Variants in SLIT2 observed in about 807,000 individuals in gnomAD.
SLIT2 encodes slit homolog 2 protein.
Under a neutral mutation model 185.7 loss-of-function variants are expected in SLIT2, and 41 were observed. The ratio of observed to expected loss-of-function variants is 0.22; its 90% confidence interval spans 0.17 to 0.29. SLIT2 has a LOEUF of 0.29. Ranked by LOEUF, SLIT2 falls within the 10% of genes least tolerant of loss-of-function variation. SLIT2 has a pLI of 1.00. For synonymous variants in SLIT2, 693 were observed against 680.2 expected (o/e 1.02, Z -0.29); for missense variants, 1,571 against 1,909.0 (o/e 0.82, Z 3.30).
chr4:20,437,773 G>A (rs1220684691), intron 4 of SLIT2, among the ~76,000 whole-genome samples: 11 of 151,856 alleles, frequency 7.2e-5, no homozygotes, highest in African/African-American at 2.7e-4. Flanking sequence ...AAATTAGCTG[G>A]GCATGGTGGC....
At chr4:20,442,392 C>T (rs1053062286) in intron 4 of SLIT2, among the ~76,000 whole-genome samples, 99 of 152,078 alleles carry the variant, frequency 6.5e-4, no homozygotes, top group African/African-American at 2.1e-3. Context: ...GGTGTGGTGG[C>T]GGGCGCCTGT....
chr4:20,345,600 A>T (rs2109246801), intron 4 of SLIT2, among the ~76,000 whole-genome samples: 1 of 127,514 alleles, frequency 7.8e-6, no homozygotes, highest in East Asian at 2.2e-4. Flanking sequence ...CAGTGGCGTG[A>T]TCTTGGCTCA....
intron 28 of SLIT2, 132 bp downstream of exon 28, chr4:20,567,747 GGTCCCT>G: frequency 1.5e-6 from 1 of 685,344 alleles, no homozygotes; most frequent in Non-Finnish European, 2.6e-6. Context: ...AATATGTATT[GGTCCCT>G]CTCGTAGATA....
chr4:20,580,012 ATATAT>A (rs1372902676), intron 29 of SLIT2, among the ~76,000 whole-genome samples: 3 of 143,696 alleles, frequency 2.1e-5, no homozygotes, highest in Non-Finnish European at 3.0e-5. Context: ...ATCATATATA[ATATAT>A]TATTATATAT....
intron 4 of SLIT2, among the ~76,000 whole-genome samples, chr4:20,345,445 T>C (rs1293085595): frequency 3.9e-5 from 6 of 152,102 alleles, no homozygotes; most frequent in Non-Finnish European, 7.4e-5. Flanking sequence ...TATTCACTAA[T>C]GGTACTTTAA....
At chr4:20,274,899 C>G (rs77012620) in intron 4 of SLIT2, among the ~76,000 whole-genome samples, 864 of 152,154 alleles carry the variant, frequency 5.7e-3, no homozygotes, top group Non-Finnish European at 8.0e-3. Context: ...ATATGTGGCT[C>G]TATATAATAT....
intron 29 of SLIT2, among the ~76,000 whole-genome samples, chr4:20,570,757 A>ACG (rs1725538410): frequency 8.2e-6 from 1 of 122,584 alleles, no homozygotes; most frequent in African/African-American, 3.1e-5. Flanking sequence ...ATATATATAT[A>ACG]TATATTTCCT....
rs1560454969 is a variant in SLIT2 at position 20,472,540 on chromosome 4, C to CTATATAGATATATCGA, written c.467+4722_467+4723insAGATATATCGATATAT. Among the ~76,000 whole-genome samples the CTATATAGATATATCGA allele has an allele frequency of 1.3e-3, 12 of 9,494 alleles. 2 individuals are homozygous for CTATATAGATATATCGA. Among genetic ancestry groups the CTATATAGATATATCGA allele is most frequent in the African/African-American group, 2.0e-3 (3 of 1,492 alleles). 6.2% of individuals were successfully genotyped at this position (9,494 alleles called of 152,430 possible). ...GATATATATCTATATATAGATATAT[C>CTATATAGATATATCGA]TATATCTATATATAGATATATATCT... On this transcript the variant is annotated intron_variant, in intron 5 of 36. Coordinates refer to ENST00000504154, the MANE Select transcript of SLIT2 (RefSeq NM_004787.4).
At chr4:20,617,697 G>A in intron 36 of SLIT2, 47 bp downstream of exon 36, 1 of 1,342,212 alleles carries the variant, frequency 7.5e-7, no homozygotes, top group Non-Finnish European at 1.0e-6. Context: ...AAAGCAAGAG[G>A]GGTCCCATGT....
At chr4:20,432,632 G>A (rs1415221832) in intron 4 of SLIT2, among the ~76,000 whole-genome samples, 1 of 151,602 alleles carries the variant, frequency 6.6e-6, no homozygotes, top group Non-Finnish European at 1.5e-5. Context: ...CCTGTTCCAA[G>A]TGCATAAATG....
rs1355011753 is a variant in SLIT2 at position 20,617,476 on chromosome 4, T to G, written c.4174T>G (p.Ser1392Ala). ...HGTCLPINAF[S>A]YSCKCLEGHG... ...CACCTGCTTGCCCATCAATGCGTTCTCCTACAGCTGTAAGTGCTTGGAGGG... is the reference window on the plus strand; with the variant it reads ...CACCTGCTTGCCCATCAATGCGTTCGCCTACAGCTGTAAGTGCTTGGAGGG... Residue 1392 changes from serine (S) to alanine (A), a missense_variant, in exon 36 of 37, where the codon TCC becomes GCC. This residue lies in a region of SLIT2 where 223 missense variants were observed against 245.2 expected (regional missense o/e 0.91). Transcript: ENST00000504154. 6.2e-7 allele frequency: 1 copy of G among 1,614,132 alleles called. No homozygotes were observed. Among genetic ancestry groups the G allele is most frequent in the South Asian group, 1.1e-5 (1 of 91,064 alleles).
At chr4:20,441,976 T>C (rs766732562) in intron 4 of SLIT2, among the ~76,000 whole-genome samples, 1 of 152,082 alleles carries the variant, frequency 6.6e-6, no homozygotes, top group Non-Finnish European at 1.5e-5. Flanking sequence ...AAGAATATGG[T>C]AGCTACAATA....
chr4:20,429,742 CAGGAAA>C (rs1728826076), intron 4 of SLIT2, among the ~76,000 whole-genome samples: 1 of 152,052 alleles, frequency 6.6e-6, no homozygotes, highest in Non-Finnish European at 1.5e-5. Context: ...AGAGAGAAAT[CAGGAAA>C]TGGAAAATCC....
intron 8 of SLIT2, chr4:20,489,879 G>A (rs1012200717): frequency 2.0e-5 from 3 of 152,134 alleles, no homozygotes; most frequent in Non-Finnish European, 1.5e-5. Context: ...ACAAGGTCAG[G>A]AGATTGAGAC....
intron 4 of SLIT2, among the ~76,000 whole-genome samples, chr4:20,455,068 A>T (rs571660797): frequency 8.0e-4 from 122 of 152,318 alleles, no homozygotes; most frequent in African/African-American, 2.7e-3. Flanking sequence ...TATTATGGAA[A>T]ATGTACATTC....
At chr4:20,464,248 T>A (rs1050959892) in intron 4 of SLIT2, among the ~76,000 whole-genome samples, 10 of 152,180 alleles carry the variant, frequency 6.6e-5, no homozygotes, top group African/African-American at 1.4e-4. Context: ...TTTGAACCTT[T>A]GACCCCATGT....
intron 4 of SLIT2, among the ~76,000 whole-genome samples, chr4:20,305,278 CAAAAAA>C (rs1445780821): frequency 3.3e-5 from 5 of 151,508 alleles, no homozygotes; most frequent in Non-Finnish European, 7.4e-5. Context: ...ATATATACAC[CAAAAAA>C]AGAACAGAAA....
At chr4:20,602,037 G>C (rs1728448143) in intron 33 of SLIT2, among the ~76,000 whole-genome samples, 1 of 152,136 alleles carries the variant, frequency 6.6e-6, no homozygotes, top group Non-Finnish European at 1.5e-5. Context: ...CTAATAAAAT[G>C]AGGGGAAAGT....
intron 4 of SLIT2, among the ~76,000 whole-genome samples, chr4:20,394,041 A>T (rs1035287500): frequency 6.6e-6 from 1 of 152,022 alleles, no homozygotes; most frequent in Non-Finnish European, 1.5e-5. Context: ...TATAATTATG[A>T]TGACTTAGTT....
Sources: allele counts gnomAD v4.1 joint callset (sites outside exome capture counted in the v4.1 genomes callset), GRCh38; gene constraint gnomAD v4.1.1; regional missense constraint gnomAD v4.1.1; transcripts MANE v1.5; gene names NCBI Gene and HGNC (gene_info 2026-07-23, HGNC 2026-07-21).